DAGLB: variants seen among roughly 807,000 people sequenced by gnomAD.
The protein encoded by DAGLB is diacylglycerol lipase-beta.
A neutral mutation model predicts 72.1 loss-of-function variants in DAGLB; 66 were observed. The ratio of observed to expected loss-of-function variants is 0.92; its 90% CI spans 0.75 to 1.12. DAGLB has a LOEUF of 1.12. Ranked by LOEUF, DAGLB falls within the 50% of genes most tolerant of loss-of-function variation. The probability of loss-of-function intolerance (pLI) is 0.00; values close to 1 mark genes in which losing one functional copy is unlikely to be tolerated. For synonymous variants in DAGLB, 414 were observed against 359.5 expected, an observed-to-expected ratio of 1.15 and a Z score of -1.71; for missense variants, 1,065 against 884.9, an observed-to-expected ratio of 1.20 and a Z score of -2.58.
chr7:6,424,780 A>C lies in DAGLB; in HGVS notation c.1112T>G (p.Val371Gly). The part of the protein sequence containing the change: ...ALDHRKESVV[V>G]AVRGTMSLQD... ...CAGAGACATGGTCCCCCTCACAGCGACCACAACAGACTCTTTCCTGTGATC... is the reference window on the plus strand; with the variant it reads ...CAGAGACATGGTCCCCCTCACAGCGCCCACAACAGACTCTTTCCTGTGATC... The change falls in exon 8 of 15, where the codon GTC becomes GGC. Residue 371 changes from valine (V) to glycine (G), a missense_variant. Coordinates refer to ENST00000297056, the MANE Select transcript of DAGLB (RefSeq NM_139179.4). 6.2e-7 allele frequency: 1 copy of C among 1,613,860 alleles called. No homozygotes were observed. Among genetic ancestry groups the C allele is most frequent in the Non-Finnish European group, 8.5e-7 (1 of 1,179,884 alleles).
At position 6,443,619 on chromosome 7, in the gene DAGLB, C is replaced by T. The variant is rs147155645; in HGVS notation, c.247+2334G>A. On this transcript the variant is annotated intron_variant, in intron 2 of 14. Transcript: ENST00000297056. The stretch of plus-strand genomic sequence containing the variant: ...CCTCTACATTGCTCCTATGAGCTAA[C>T]ACCTTTTACATTTCAGTCCTTTATT... 5.8e-4 allele frequency among the ~76,000 whole-genome samples: 89 copies of T among 152,308 alleles called. 1 individual carries two copies. The highest frequency in any genetic ancestry group is 2.0e-3 in the African/African-American group (85 of 41,566).
rs756563734 is a variant in DAGLB at position 6,426,160 on chromosome 7, G to T, written c.930-46C>A. ...TTACTATGCCGAACAGAGCCACTTG[G>T]CAAGGAACGTCCATCCTCACTGCCA... On this transcript the variant is annotated intron_variant, in intron 6 of 14. Coordinates refer to ENST00000297056, the MANE Select transcript of DAGLB (RefSeq NM_139179.4). 6 of 1,607,904 alleles carry T rather than the reference G, an allele frequency of 3.7e-6. No homozygotes were observed. The South Asian group carries it at 6.6e-5, about 18-fold the overall frequency.
At chr7:6,437,525 A>G (rs569292038) in intron 2 of DAGLB, among the ~76,000 whole-genome samples, 2 of 152,248 alleles carry the variant, frequency 1.3e-5, no homozygotes, top group East Asian at 1.9e-4. Flanking sequence ...TCCACCTCTC[A>G]GGCTCAAGTG....
In DAGLB at chr7:6,447,950, A is replaced by T. The variant is rs543308035; in HGVS notation, c.-108T>A. The T allele has an allele frequency of 8.3e-6, 12 of 1,454,292 alleles. No individual in the cohort carries two copies. The highest frequency in any genetic ancestry group is 9.9e-6 in the Non-Finnish European group (11 of 1,106,078). The allele number at this position is 1,454,292 out of a possible 1,614,324, so 90.1% of individuals were successfully genotyped here. A position where few individuals can be genotyped will look rare whatever the true frequency, so the allele number is the denominator to read the frequency against. ...ACCAAATTATCGGCGCTCAAGCGCA[A>T]ACGCAGCGAGGGCGGGGACCTGCGC... On this transcript the variant is annotated 5_prime_UTR_variant, in exon 1 of 15. It adds an upstream start codon to the 5' untranslated region. Transcript: ENST00000297056.
chr7:6,428,203 G>A (rs780797569), intron 6 of DAGLB, among the ~76,000 whole-genome samples: 11 of 151,076 alleles, frequency 7.3e-5, no homozygotes, highest in Admixed American at 6.0e-4. Flanking sequence ...AAAACTAGCC[G>A]AGTATGGTGG....
intron 8 of DAGLB, among the ~76,000 whole-genome samples, chr7:6,423,070 A>G (rs1013376976): frequency 2.0e-5 from 3 of 152,102 alleles, no homozygotes; most frequent in Admixed American, 1.3e-4. Flanking sequence ...TGGGCAACAT[A>G]GTGAGATCCT....
rs755750282 is a variant in DAGLB at position 6,447,762 on chromosome 7, G to C, written c.81C>G (p.Val27=). The change falls in exon 1 of 15, where the codon GTC becomes GTG. Residue 27 remains valine, a synonymous_variant. Coordinates refer to ENST00000297056, the MANE Select transcript of DAGLB (RefSeq NM_139179.4). ...DLVFPGFFEL[V]VRVLWWIGIL... ...GCCGTCCTTACCACAGCACTCGCAC[G>C]ACCAGCTCGAAGAACCCTGGGAAGA... 1 of 1,613,382 alleles carries C rather than the reference G, an allele frequency of 6.2e-7. No individual in the cohort carries two copies. Among genetic ancestry groups the C allele is most frequent in the South Asian group, 1.1e-5 (1 of 90,934 alleles).
intron 2 of DAGLB, among the ~76,000 whole-genome samples, chr7:6,445,087 T>G (rs991681829): frequency 6.6e-6 from 1 of 152,166 alleles, no homozygotes; most frequent in Non-Finnish European, 1.5e-5. Flanking sequence ...CTCAAAAGGT[T>G]TCACAGAGCA....
chr7:6,426,886 T>A (rs1407210218), intron 6 of DAGLB, among the ~76,000 whole-genome samples: 2 of 152,144 alleles, frequency 1.3e-5, no homozygotes, highest in African/African-American at 4.8e-5. Flanking sequence ...GGCAGGTGGA[T>A]CACCTGAAGT....
intron 1 of DAGLB, among the ~76,000 whole-genome samples, chr7:6,446,647 T>A (rs2115304491): frequency 6.6e-6 from 1 of 152,052 alleles, no homozygotes; most frequent in East Asian, 2.0e-4. Context: ...CTTCCTGCCT[T>A]GGCCTCCCAA....
At chr7:6,427,366 CAG>C (rs1261137396) in intron 6 of DAGLB, among the ~76,000 whole-genome samples, 1 of 152,126 alleles carries the variant, frequency 6.6e-6, no homozygotes, top group African/African-American at 2.4e-5. Context: ...TAAAAGATAT[CAG>C]GGCCAGGAGA....
Position 6,426,011 on chromosome 7 carries a change from T to G in DAGLB, c.1033A>C (p.Ile345Leu). ...HTTGLQYRDF[I>L]HVSFHDKVYE... ...ACCTTGTCATGGAAGCTGACGTGGA[T>G]GAAGTCCCTGTACTGCAGCCCTGTG... is the stretch of plus-strand genomic sequence containing the variant. Residue 345 changes from isoleucine to leucine, a missense_variant, in exon 7 of 15, where the codon ATC (isoleucine) becomes CTC (leucine). Physicochemically the swap from Ile to Leu is conservative, Grantham distance 5 (BLOSUM62 2). Transcript: ENST00000297056. 3 of 1,614,130 alleles carry G rather than the reference T, an allele frequency of 1.9e-6. No homozygotes were observed. Among genetic ancestry groups the G allele is most frequent in the Non-Finnish European group, 2.5e-6 (3 of 1,180,008 alleles).
intron 11 of DAGLB, chr7:6,416,426 C>T: frequency 3.2e-6 from 2 of 631,392 alleles, no homozygotes; most frequent in Non-Finnish European, 4.9e-6. Context: ...GTCTGTAGTC[C>T]CAGCAACTCG....
intron 9 of DAGLB, among the ~76,000 whole-genome samples, chr7:6,418,534 G>C (rs1783992844): frequency 6.6e-6 from 1 of 152,136 alleles, no homozygotes; most frequent in South Asian, 2.1e-4. Flanking sequence ...GTGCTCCTGT[G>C]CTGGGCTCGG....
chr7:6,440,381 G>A (rs1784791411), intron 2 of DAGLB, among the ~76,000 whole-genome samples: 1 of 125,728 alleles, frequency 8.0e-6, no homozygotes, highest in Admixed American at 8.2e-5. Flanking sequence ...GCGAAACTCC[G>A]TCTCCAAAAA....
chr7:6,441,566 C>T (rs775824776), intron 2 of DAGLB, among the ~76,000 whole-genome samples: 1 of 148,182 alleles, frequency 6.7e-6, no homozygotes, highest in Non-Finnish European at 1.5e-5. Flanking sequence ...TACAGGGGCC[C>T]GCCACCACGC....
chr7:6,409,739 T>G lies in DAGLB; in HGVS notation c.*98A>C, dbSNP rs1783653331. ...CCATCCGATTCCTGTTGATGGACAT[T>G]CGCTGTTTTGGCGTCATGGGAACTC... On this transcript the variant is annotated 3_prime_UTR_variant, in exon 15 of 15. Coordinates refer to ENST00000297056, the MANE Select transcript of DAGLB (RefSeq NM_139179.4). The G allele has an allele frequency of 7.5e-7, 1 of 1,334,096 alleles. No individual in the cohort carries two copies. Among genetic ancestry groups the G allele is most frequent in the African/African-American group, 1.5e-5 (1 of 68,594 alleles). 82.6% of individuals were successfully genotyped at this position (1,334,096 alleles called of 1,614,324 possible). A position where few individuals can be genotyped will look rare whatever the true frequency, so the allele number is the denominator to read the frequency against.
chr7:6,421,236 G>T (rs66634073), intron 9 of DAGLB, among the ~76,000 whole-genome samples: 1 of 145,296 alleles, frequency 6.9e-6, no homozygotes, highest in Non-Finnish European at 1.5e-5. Flanking sequence ...CAAGGCACTC[G>T]CTCTCTCTGA....
chr7:6,421,750 C>G lies in DAGLB; in HGVS notation c.1195G>C (p.Val399Leu). ...ESEVLDVECE[V>L]QDRLAHKGIS... is the part of the protein sequence containing the mutation. Reference sequence around the variant, plus strand: ...ACCTTGTGTGCCAGGCGGTCCTGCACCTCACACTCCACGTCCAGCACCTCA... The same window carrying G: ...ACCTTGTGTGCCAGGCGGTCCTGCAGCTCACACTCCACGTCCAGCACCTCA... Residue 399 changes from valine (V) to leucine (L), a missense_variant, in exon 9 of 15, where the codon GTG (valine) becomes CTG (leucine). Physicochemically the swap from Val to Leu is conservative, Grantham distance 32. Coordinates refer to ENST00000297056, the MANE Select transcript of DAGLB (RefSeq NM_139179.4). The G allele has an allele frequency of 6.2e-7, 1 of 1,612,914 alleles. No individual in the cohort carries two copies. The highest frequency in any genetic ancestry group is 8.5e-7 in the Non-Finnish European group (1 of 1,179,272).
Sources: allele counts gnomAD v4.1 joint callset (sites outside exome capture counted in the v4.1 genomes callset), GRCh38; gene constraint gnomAD v4.1.1; transcripts MANE v1.5; gene names NCBI Gene and HGNC (gene_info 2026-07-23, HGNC 2026-07-21).